The following SYNPR variants were observed in gnomAD, a reference collection of about 807,000 sequenced individuals.
The protein encoded by SYNPR is synaptoporin.
A neutral mutation model predicts 32.9 loss-of-function variants in SYNPR; 23 were observed. The ratio of observed to expected loss-of-function variants is 0.70; its 90% CI spans 0.50 to 0.99. The LOEUF (loss-of-function observed/expected upper bound fraction) is 0.99. Among genes scored for constraint, SYNPR ranks in the 50% least tolerant of loss-of-function variants. SYNPR has a pLI of 0.00. For missense variants in SYNPR, 318 were observed against 349.3 expected (o/e 0.91, Z 0.71); for synonymous variants, 146 against 135.9 (o/e 1.07, Z -0.52).
At chr3:63,576,842 T>C (rs1211981580) in intron 4 of SYNPR, among the ~76,000 whole-genome samples, 3 of 151,764 alleles carry the variant, frequency 2.0e-5, no homozygotes, top group Admixed American at 6.6e-5. Flanking sequence ...GAAAACATGT[T>C]ATCTAAGCCT....
intron 3 of SYNPR, among the ~76,000 whole-genome samples, chr3:63,548,789 C>T (rs554281197): frequency 1.3e-4 from 20 of 152,304 alleles, no homozygotes; most frequent in Admixed American, 1.2e-3. Flanking sequence ...TCCCCCACAC[C>T]TTAATCCTTC....
chr3:63,553,791 G>A (rs1465836630), intron 3 of SYNPR, among the ~76,000 whole-genome samples: 3 of 152,064 alleles, frequency 2.0e-5, no homozygotes, highest in Non-Finnish European at 2.9e-5. Context: ...GCGCGATCTC[G>A]GCTCATCGCA....
intron 2 of SYNPR, among the ~76,000 whole-genome samples, chr3:63,332,430 C>T (rs1313601425): frequency 6.6e-6 from 1 of 152,200 alleles, no homozygotes; most frequent in African/African-American, 2.4e-5. Flanking sequence ...ATGTAAGTTC[C>T]ATGAGGGCCA....
At chr3:63,299,385 TG>T (rs1560183961) in intron 2 of SYNPR, among the ~76,000 whole-genome samples, 1 of 152,180 alleles carries the variant, frequency 6.6e-6, no homozygotes, top group African/African-American at 2.4e-5. Flanking sequence ...ACACAATTTT[TG>T]TTTTTTTGTT....
chr3:63,237,182 G>T (rs564963121), intron 1 of SYNPR, among the ~76,000 whole-genome samples: 4 of 152,062 alleles, frequency 2.6e-5, no homozygotes, highest in South Asian at 2.1e-4. Flanking sequence ...TGGCAATGTT[G>T]TATATACAGG....
At chr3:63,468,272 T>A (rs1400095866) in intron 2 of SYNPR, among the ~76,000 whole-genome samples, 1 of 151,676 alleles carries the variant, frequency 6.6e-6, no homozygotes, top group Admixed American at 6.6e-5. Flanking sequence ...AGTGTAGAGA[T>A]GCAACTTGCC....
Position 63,615,298 on chromosome 3 carries a change from T to C in SYNPR, c.675T>C (p.Ser225=), listed in dbSNP as rs762263822. 6.2e-7 allele frequency: 1 copy of C among 1,613,898 alleles called. No homozygotes were observed. ...TTTTCAAGGAGACCGGCTGGCATTCTTCGGGACAGAGATATCTTTCAGATC... is the reference window on the plus strand; with the variant it reads ...TTTTCAAGGAGACCGGCTGGCATTCCTCGGGACAGAGATATCTTTCAGATC... ...WFVFKETGWH[S]SGQRYLSDPM... The change falls in exon 6 of 6, where the codon TCT becomes TCC. Residue 225 remains serine (S), a synonymous_variant. Coordinates refer to ENST00000478300, the MANE Select transcript of SYNPR (RefSeq NM_001130003.2).
intron 2 of SYNPR, among the ~76,000 whole-genome samples, chr3:63,318,943 C>CA (rs923662892): frequency 3.4e-4 from 51 of 152,140 alleles, no homozygotes; most frequent in African/African-American, 1.2e-3. Flanking sequence ...TTTTGTCCTA[C>CA]AGGGTGTTCC....
intron 2 of SYNPR, among the ~76,000 whole-genome samples, chr3:63,351,067 C>T (rs1004295723): frequency 1.1e-4 from 16 of 152,062 alleles, no homozygotes; most frequent in Admixed American, 2.6e-4. Context: ...GTCCTATTTA[C>T]GTAGTAGACT....
chr3:63,270,922 CTTCTTTCT>C (rs1560174569), intron 3 of SYNPR, among the ~76,000 whole-genome samples: 8 of 58,840 alleles, frequency 1.4e-4, no homozygotes, highest in Non-Finnish European at 3.0e-4. Context: ...TCCTTCCTTC[CTTCTTTCT>C]TTCCTTCCTT....
At chr3:63,506,206 A>C (rs1429226366) in intron 3 of SYNPR, among the ~76,000 whole-genome samples, 1 of 151,834 alleles carries the variant, frequency 6.6e-6, no homozygotes, top group African/African-American at 2.4e-5. Context: ...TTACAGAGCA[A>C]ATTTGCAATA....
chr3:63,234,624 C>T (rs917956002), intron 1 of SYNPR, among the ~76,000 whole-genome samples: 14 of 152,296 alleles, frequency 9.2e-5, no homozygotes, highest in Admixed American at 7.8e-4. Flanking sequence ...TGGTGTGCTG[C>T]CCCTGTGTGG....
chr3:63,533,587 A>T (rs1479735196), intron 3 of SYNPR, among the ~76,000 whole-genome samples: 5 of 152,320 alleles, frequency 3.3e-5, no homozygotes, highest in African/African-American at 1.2e-4. Flanking sequence ...ATGTGAAGAC[A>T]TTCACATAAT....
At chr3:63,442,911 C>G (rs73110892) in intron 2 of SYNPR, among the ~76,000 whole-genome samples, 1 of 151,980 alleles carries the variant, frequency 6.6e-6, no homozygotes, top group South Asian at 2.1e-4. Flanking sequence ...CAAATCTATT[C>G]GTAAGATTTT....
chr3:63,331,874 G>C (rs907775295), intron 2 of SYNPR, among the ~76,000 whole-genome samples: 1 of 152,150 alleles, frequency 6.6e-6, no homozygotes, highest in Non-Finnish European at 1.5e-5. Flanking sequence ...CTGTGTGCCA[G>C]GAGCTGAGGT....
chr3:63,342,405 T>C (rs1279337616), intron 2 of SYNPR, among the ~76,000 whole-genome samples: 1 of 152,230 alleles, frequency 6.6e-6, no homozygotes. Flanking sequence ...AGTCCGTTGA[T>C]GTGATGGGTT....
At chr3:63,607,648 T>A (rs1033730739) in intron 4 of SYNPR, among the ~76,000 whole-genome samples, 2 of 152,232 alleles carry the variant, frequency 1.3e-5, no homozygotes, top group African/African-American at 2.4e-5. Flanking sequence ...ACATTGGCCC[T>A]TAGTTTTCTA....
At chr3:63,283,058 G>A (rs1021430489) in intron 2 of SYNPR, among the ~76,000 whole-genome samples, 1 of 152,170 alleles carries the variant, frequency 6.6e-6, no homozygotes, top group African/African-American at 2.4e-5. Context: ...GAACGGGAGA[G>A]GTTGATGGTA....
intron 2 of SYNPR, among the ~76,000 whole-genome samples, chr3:63,304,551 T>C (rs908510871): frequency 5.3e-5 from 8 of 151,976 alleles, no homozygotes; most frequent in African/African-American, 1.9e-4. Flanking sequence ...TGTGAAAAGA[T>C]TTTTGTCTTT....
Sources: gnomAD v4.1 joint callset for allele counts (sites outside exome capture counted in the v4.1 genomes callset) on GRCh38, gnomAD v4.1.1 for gene constraint, MANE v1.5 for transcripts, NCBI Gene and HGNC (gene_info 2026-07-23, HGNC 2026-07-21) for gene names.